The following KSR2 variants were observed in gnomAD, a reference collection of about 807,000 sequenced individuals.
KSR2 encodes kinase suppressor of ras 2.
In KSR2, 25 loss-of-function variants were observed where a neutral mutation model predicts 107.8. The observed-to-expected ratio is 0.23, with a 90% CI of 0.17 to 0.32. The LOEUF (loss-of-function observed/expected upper bound fraction) is 0.32. KSR2 is among the 10% of genes least tolerant of loss of function. The pLI, the probability that KSR2 is intolerant of heterozygous loss-of-function variation, is 1.00. For synonymous variants in KSR2, 480 were observed against 507.0 expected (o/e 0.95, Z 0.71); for missense variants, 887 against 1,268.9 (o/e 0.70, Z 4.57).
intron 4 of KSR2, among the ~76,000 whole-genome samples, chr12:117,696,514 T>G: frequency 6.7e-6 from 1 of 148,560 alleles, no homozygotes; most frequent in Non-Finnish European, 1.5e-5. Context: ...CTAGCACTGG[T>G]CGGGGGGAGT....
chr12:117,485,924 C>T (rs1565868286), intron 14 of KSR2, among the ~76,000 whole-genome samples: 1 of 152,198 alleles, frequency 6.6e-6, no homozygotes, highest in African/African-American at 2.4e-5. Context: ...GACAAGGACA[C>T]CCACAGAATC....
intron 1 of KSR2, among the ~76,000 whole-genome samples, chr12:117,915,745 C>T (rs930260262): frequency 1.3e-5 from 2 of 152,152 alleles, no homozygotes; most frequent in Admixed American, 6.6e-5. Context: ...ATCACCTCCA[C>T]CTTGAAGCCT....
chr12:117,573,050 A>G (rs895692800), intron 7 of KSR2, among the ~76,000 whole-genome samples: 1 of 152,254 alleles, frequency 6.6e-6, no homozygotes, highest in Non-Finnish European at 1.5e-5. Flanking sequence ...AACCTATTAG[A>G]TGAAAACGCC....
chr12:117,920,613 G>A (rs896062807), intron 1 of KSR2, among the ~76,000 whole-genome samples: 2 of 152,080 alleles, frequency 1.3e-5, no homozygotes, highest in African/African-American at 4.8e-5. Context: ...TAGGCCCATG[G>A]GGGAGATACA....
At chr12:117,781,790 C>A (rs1294270545) in intron 3 of KSR2, among the ~76,000 whole-genome samples, 1 of 152,200 alleles carries the variant, frequency 6.6e-6, no homozygotes, top group African/African-American at 2.4e-5. Flanking sequence ...GGCACCCAGC[C>A]TGCCTCTGGA....
chr12:117,697,599 G>A (rs1318053794), intron 4 of KSR2, among the ~76,000 whole-genome samples: 1 of 152,064 alleles, frequency 6.6e-6, no homozygotes, highest in South Asian at 2.1e-4. Context: ...AATTAGCCAG[G>A]CATGGTGGCA....
chr12:117,830,506 A>C (rs2137111838), intron 3 of KSR2, among the ~76,000 whole-genome samples: 1 of 152,284 alleles, frequency 6.6e-6, no homozygotes, highest in South Asian at 2.1e-4. Flanking sequence ...AAAAAATAAA[A>C]GTTGAAATTA....
At chr12:117,716,138 A>G (rs1886968662) in intron 4 of KSR2, among the ~76,000 whole-genome samples, 1 of 152,236 alleles carries the variant, frequency 6.6e-6, no homozygotes, top group African/African-American at 2.4e-5. Context: ...ACTTCCTTGT[A>G]AATTTGTTTT....
intron 4 of KSR2, among the ~76,000 whole-genome samples, chr12:117,728,741 A>T (rs1887547140): frequency 6.6e-6 from 1 of 152,162 alleles, no homozygotes; most frequent in Non-Finnish European, 1.5e-5. Context: ...TGAGCTGCAG[A>T]CTCACAGGGT....
intron 3 of KSR2, among the ~76,000 whole-genome samples, chr12:117,793,337 A>G (rs1449634966): frequency 7.1e-6 from 1 of 140,884 alleles, no homozygotes; most frequent in African/African-American, 2.7e-5. Flanking sequence ...ATGCACACAT[A>G]CACACCAGCA....
intron 3 of KSR2, among the ~76,000 whole-genome samples, chr12:117,767,817 G>T (rs1048128873): frequency 1.3e-5 from 2 of 151,254 alleles, no homozygotes; most frequent in Non-Finnish European, 2.9e-5. Context: ...TTCGAGCCAG[G>T]CTGGAGAAGA....
intron 1 of KSR2, among the ~76,000 whole-genome samples, chr12:117,892,043 A>T (rs145988361): frequency 0.036 from 5,478 of 152,052 alleles, 304 homozygotes; most frequent in African/African-American, 0.12. Context: ...TGACGCCTGT[A>T]ATCTTAGCAC....
intron 10 of KSR2, among the ~76,000 whole-genome samples, chr12:117,536,679 T>TTCCATG (rs5801240): frequency 0.072 from 10,937 of 152,304 alleles, 461 homozygotes; most frequent in South Asian, 0.14. Flanking sequence ...ATGGATATCT[T>TTCCATG]TCCATGTCAG....
At chr12:117,583,140 G>A (rs1218474921) in intron 5 of KSR2, among the ~76,000 whole-genome samples, 1 of 152,000 alleles carries the variant, frequency 6.6e-6, no homozygotes, top group Non-Finnish European at 1.5e-5. Context: ...GGATAGGATG[G>A]ATGGATAGGC....
intron 9 of KSR2, among the ~76,000 whole-genome samples, chr12:117,541,859 A>T (rs1876515542): frequency 6.6e-6 from 1 of 151,798 alleles, no homozygotes; most frequent in African/African-American, 2.4e-5. Context: ...GTCTCTCCTT[A>T]TCCTTTCTTT....
At chr12:117,940,423 G>A (rs1167850350) in intron 1 of KSR2, among the ~76,000 whole-genome samples, 2 of 152,070 alleles carry the variant, frequency 1.3e-5, no homozygotes, top group African/African-American at 2.4e-5. Context: ...AGAAACCCAC[G>A]TATTTTGATT....
At chr12:117,641,167 G>A (rs1210630071) in intron 5 of KSR2, among the ~76,000 whole-genome samples, 1 of 152,140 alleles carries the variant, frequency 6.6e-6, no homozygotes, top group Non-Finnish European at 1.5e-5. Flanking sequence ...GTGCAATCTT[G>A]GCTCACTGCG....
chr12:117,557,477 A>G (rs1277499457), intron 8 of KSR2, among the ~76,000 whole-genome samples: 2 of 152,206 alleles, frequency 1.3e-5, no homozygotes, highest in Non-Finnish European at 2.9e-5. Flanking sequence ...ATTCTCATTC[A>G]GTAGGTCTGA....
At chr12:117,487,454 C>T (rs1363446175) in intron 14 of KSR2, among the ~76,000 whole-genome samples, 1 of 152,238 alleles carries the variant, frequency 6.6e-6, no homozygotes, top group African/African-American at 2.4e-5. Flanking sequence ...TGAGTCAGGG[C>T]TGACCCTGCA....
Sources: gnomAD v4.1 joint callset for allele counts (sites outside exome capture counted in the v4.1 genomes callset) on GRCh38, gnomAD v4.1.1 for gene constraint, MANE v1.5 for transcripts, NCBI Gene and HGNC (gene_info 2026-07-23, HGNC 2026-07-21) for gene names.